The following GABRA5 variants were observed in gnomAD, a reference collection of about 807,000 sequenced individuals.
GABRA5 encodes gamma-aminobutyric acid type A receptor subunit alpha5.
Under a neutral mutation model 47.3 loss-of-function variants are expected in GABRA5, and 18 were observed. The observed-to-expected ratio is 0.38, with a 90% CI of 0.26 to 0.56. GABRA5 has a LOEUF of 0.56. Ranked by LOEUF, GABRA5 falls within the 20% of genes least tolerant of loss-of-function variation. The probability of loss-of-function intolerance (pLI) is 0.71; values close to 1 mark genes in which losing one functional copy is unlikely to be tolerated. For missense variants in GABRA5, 365 were observed against 599.3 expected, an observed-to-expected ratio of 0.61 and a Z score of 4.08; for synonymous variants, 237 against 229.3, an observed-to-expected ratio of 1.03 and a Z score of -0.30.
chr15:26,939,802 A>T (rs1894342280), intron 8 of GABRA5, 123 bp from the exon 9 acceptor site: 1 of 917,146 alleles, frequency 1.1e-6, no homozygotes, highest in Non-Finnish European at 1.7e-6. Flanking sequence ...CTTAACCCAG[A>T]TCATACAAAT....
chr15:26,906,691 T>C (rs1893452419), intron 6 of GABRA5, among the ~76,000 whole-genome samples: 1 of 152,208 alleles, frequency 6.6e-6, no homozygotes, highest in African/African-American at 2.4e-5. Context: ...TTCTCTTTTG[T>C]AGTATTTTAA....
intron 1 of GABRA5, chr15:26,868,009 G>C (rs2140237943): frequency 6.6e-6 from 1 of 152,062 alleles, no homozygotes; most frequent in East Asian, 1.9e-4. Context: ...GCTGCGGACC[G>C]CGCGGGTGGC....
At chr15:26,903,552 A>G (rs1392161588) in intron 6 of GABRA5, among the ~76,000 whole-genome samples, 1 of 152,092 alleles carries the variant, frequency 6.6e-6, no homozygotes, top group Non-Finnish European at 1.5e-5. Flanking sequence ...CAATGGTTGA[A>G]CTAATTTACA....
At chr15:26,937,766 C>T (rs979554744) in intron 8 of GABRA5, among the ~76,000 whole-genome samples, 3 of 152,244 alleles carry the variant, frequency 2.0e-5, no homozygotes, top group Non-Finnish European at 2.9e-5. Flanking sequence ...CAGATGCTCT[C>T]AATGCCAAGT....
chr15:26,943,492 C>A, intron 10 of GABRA5, 66 bp downstream of exon 10: 2 of 1,385,150 alleles, frequency 1.4e-6, no homozygotes, highest in Non-Finnish European at 2.0e-6. Context: ...TGATTCTATC[C>A]AAACATGAGA....
intron 6 of GABRA5, among the ~76,000 whole-genome samples, chr15:26,892,573 A>G (rs1893035326): frequency 6.6e-6 from 1 of 152,274 alleles, no homozygotes; most frequent in Non-Finnish European, 1.5e-5. Flanking sequence ...GCATTTTAGA[A>G]GTTTGAATGA....
chr15:26,900,256 AT>A (rs1893295277), intron 6 of GABRA5, among the ~76,000 whole-genome samples: 1 of 152,176 alleles, frequency 6.6e-6, no homozygotes, highest in African/African-American at 2.4e-5. Context: ...ATTAACATAG[AT>A]TTACAATTAT....
chr15:26,915,177 C>T (rs1394804970), intron 7 of GABRA5, among the ~76,000 whole-genome samples: 2 of 152,168 alleles, frequency 1.3e-5, no homozygotes, highest in Non-Finnish European at 2.9e-5. Context: ...CTCAACCGGG[C>T]AGTTCTTTTT....
chr15:26,905,664 T>G (rs983667887), intron 6 of GABRA5, among the ~76,000 whole-genome samples: 6 of 150,900 alleles, frequency 4.0e-5, no homozygotes, highest in African/African-American at 1.5e-4. Flanking sequence ...CTGTTCATTT[T>G]TCTTCATTTT....
At chr15:26,939,128 T>C in intron 8 of GABRA5, 1 of 708,910 alleles carries the variant, frequency 1.4e-6, no homozygotes, top group Non-Finnish European at 2.6e-6. Context: ...CCTCCACCCC[T>C]CAAAGAACAC....
At chr15:26,893,767 G>A (rs939788160) in intron 6 of GABRA5, among the ~76,000 whole-genome samples, 28 of 152,166 alleles carry the variant, frequency 1.8e-4, no homozygotes, top group Admixed American at 1.7e-3. Context: ...GCGACCAGGC[G>A]GTGGGCACGG....
intron 7 of GABRA5, among the ~76,000 whole-genome samples, chr15:26,927,437 T>C (rs1893988574): frequency 6.6e-6 from 1 of 152,140 alleles, no homozygotes. Context: ...GAGATTGATA[T>C]GATTTGCTTC....
chr15:26,920,399 C>T (rs1245599320), intron 7 of GABRA5, among the ~76,000 whole-genome samples: 1 of 151,890 alleles, frequency 6.6e-6, no homozygotes, highest in African/African-American at 2.4e-5. Flanking sequence ...TTGAATCCCT[C>T]TGAGGAATTT....
intron 3 of GABRA5, among the ~76,000 whole-genome samples, chr15:26,873,859 G>C (rs926075451): frequency 6.6e-6 from 1 of 152,228 alleles, no homozygotes; most frequent in Non-Finnish European, 1.5e-5. Context: ...CCCTGGGAGA[G>C]CCAAAAGGCA....
Position 26,929,512 on chromosome 15 carries a change from G to T in GABRA5, c.581-7673G>T, listed in dbSNP as rs560115603. Among the ~76,000 whole-genome samples the T allele has an allele frequency of 1.2e-4, 19 of 152,322 alleles. 1 individual carries two copies. The South Asian group carries it at 3.1e-3, about 25-fold the overall frequency. ...AGGGATTGGGCCGCATGACTTTGGG[G>T]ATCCCCTGCCCCTGTAGCAGCTTAT... is the stretch of plus-strand genomic sequence containing the variant. On this transcript the variant is annotated intron_variant, in intron 7 of 10. Coordinates refer to ENST00000335625, the MANE Select transcript of GABRA5 (RefSeq NM_000810.4).
intron 6 of GABRA5, among the ~76,000 whole-genome samples, chr15:26,912,636 G>T (rs147794548): frequency 6.6e-6 from 1 of 152,074 alleles, no homozygotes; most frequent in Non-Finnish European, 1.5e-5. Context: ...AAACACACAC[G>T]TACACATGGA....
chr15:26,939,251 G>A (rs557147488), intron 8 of GABRA5: 6 of 765,292 alleles, frequency 7.8e-6, no homozygotes, highest in Admixed American at 6.8e-5. Context: ...TCACCGTGAG[G>A]ACGGCATCAT....
At chr15:26,882,170 T>C (rs1279121588) in intron 4 of GABRA5, among the ~76,000 whole-genome samples, 1 of 152,168 alleles carries the variant, frequency 6.6e-6, no homozygotes, top group Non-Finnish European at 1.5e-5. Context: ...TCAGAGCATC[T>C]AGAGGAGCCC....
Position 26,948,038 on chromosome 15 carries a change from G to A in GABRA5, c.1194G>A (p.Ser398=), listed in dbSNP as rs1374788926. ...IPKEQTPAGT[S]NTTSVSVKPS... is the part of the protein sequence containing the mutation. ...AGGAACAGACCCCAGCAGGGACGTC[G>A]AATACAACCTCAGTCTCAGTAAAAC... The change falls in exon 11 of 11, where the codon TCG becomes TCA. Residue 398 remains serine (S), a synonymous_variant. Coordinates refer to ENST00000335625, the MANE Select transcript of GABRA5 (RefSeq NM_000810.4). 11 of 1,606,858 alleles carry A rather than the reference G, an allele frequency of 6.8e-6. No homozygotes were observed. The highest frequency in any genetic ancestry group is 2.2e-5 in the South Asian group (2 of 89,468).
Sources: gnomAD v4.1 joint callset for allele counts (sites outside exome capture counted in the v4.1 genomes callset) on GRCh38, gnomAD v4.1.1 for gene constraint, MANE v1.5 for transcripts, NCBI Gene and HGNC (gene_info 2026-07-23, HGNC 2026-07-21) for gene names.